Variants in ZDHHC19 observed in about 807,000 individuals in gnomAD.
ZDHHC19 encodes zDHHC palmitoyltransferase 19.
In ZDHHC19, 30 loss-of-function variants were observed where a neutral mutation model predicts 33.9. That is an observed-to-expected ratio of 0.88 (90% confidence interval 0.66 to 1.20). The LOEUF (loss-of-function observed/expected upper bound fraction) is 1.20, where lower values mean the gene tolerates loss of function less well. Among genes scored for constraint, ZDHHC19 ranks in the 50% most tolerant of loss-of-function variants. The pLI, the probability that ZDHHC19 is intolerant of heterozygous loss-of-function variation, is 0.00. For synonymous variants in ZDHHC19, 178 were observed against 167.6 expected (o/e 1.06, Z -0.48); for missense variants, 364 against 401.1 (o/e 0.91, Z 0.79).
chr3:196,208,405 G>A lies in ZDHHC19; in HGVS notation c.564C>T (p.Ser188=), dbSNP rs1025005356. The change falls in exon 4 of 8, where the codon TCC becomes TCT. Residue 188 remains serine (S), a synonymous_variant. Transcript: ENST00000296326. ...GCGGATACGCGATGGCCTTGTCGGT[G>A]GAGAAGGGCAGGTGGGTTGTGCGCA... ...FLVRTTHLPF[S]TDKAIAIVVA... 4.3e-6 allele frequency: 7 copies of A among 1,613,962 alleles called. No homozygotes were observed. In the African/African-American group the frequency reaches 8.0e-5, roughly 18 times the overall value.
intron 5 of ZDHHC19, among the ~76,000 whole-genome samples, chr3:196,200,941 T>C (rs1318220328): frequency 6.6e-6 from 1 of 151,798 alleles, no homozygotes; most frequent in African/African-American, 2.4e-5. Flanking sequence ...TGAGTCACTG[T>C]ACCCGGCATT....
Position 196,210,342 on chromosome 3 carries a change from A to AGAAGG in ZDHHC19, c.268+273_268+274insCCTTC, listed in dbSNP as rs1379023589. Reference sequence around the variant, plus strand: ...GAAAGAAGGAAAGAAAGAAAGAAAGAAAAGAGAAAGAAAGAAAGAAGGAAG... The same window carrying AGAAGG: ...GAAAGAAGGAAAGAAAGAAAGAAAGAGAAGGAAAGAGAAAGAAAGAAAGAAGGAAG... On this transcript the variant is annotated intron_variant, in intron 2 of 7. Coordinates refer to ENST00000296326, the MANE Select transcript of ZDHHC19 (RefSeq NM_001039617.2). Among the ~76,000 whole-genome samples the AGAAGG allele has an allele frequency of 6.0e-5, 3 of 49,986 alleles. No homozygotes were observed. In the East Asian group the frequency reaches 2.2e-3, roughly 37 times the overall value. The allele number at this position is 49,986 out of a possible 152,430, so 32.8% of individuals were successfully genotyped here.
Position 196,198,335 on chromosome 3 carries a change from C to T in ZDHHC19, c.890G>A (p.Gly297Glu). The change falls in exon 7 of 8, where the codon GGG becomes GAG. Residue 297 changes from glycine (G) to glutamate (E), a missense_variant. Transcript: ENST00000296326. ...SALNPPAPTS[G>E]SLQSREGTPG... ...GGTCCCTTCCCTGCTTTGTAGGGAC[C>T]CAGAGGTTGGGGCTGGGGGGTTGAG... 6.6e-7 allele frequency: 1 copy of T among 1,515,290 alleles called. No homozygotes were observed. Among genetic ancestry groups the T allele is most frequent in the Non-Finnish European group, 8.8e-7 (1 of 1,132,638 alleles). 93.9% of individuals were successfully genotyped at this position (1,515,290 alleles called of 1,614,324 possible).
In ZDHHC19 at chr3:196,207,491, G is replaced by C. The variant is rs778971175; in HGVS notation, c.594C>G (p.Ala198=). The C allele has an allele frequency of 1.9e-6, 3 of 1,562,182 alleles. No homozygotes were observed. The highest frequency in any genetic ancestry group is 1.7e-6 in the Non-Finnish European group (2 of 1,154,074). The change falls in exon 5 of 8, where the codon GCC becomes GCG. Residue 198 remains alanine (A), a synonymous_variant. Transcript: ENST00000296326. ...STDKAIAIVV[A]VSAAGLLVPL... ...GCACCAGGAGGCCCGCGGCGGACACGGCCACCACGATGCTGCGCGGGTTAA... is the reference window on the plus strand; with the variant it reads ...GCACCAGGAGGCCCGCGGCGGACACCGCCACCACGATGCTGCGCGGGTTAA...
intron 5 of ZDHHC19, among the ~76,000 whole-genome samples, chr3:196,199,154 G>A (rs1197306222): frequency 6.6e-6 from 1 of 152,216 alleles, no homozygotes; most frequent in Non-Finnish European, 1.5e-5. Context: ...CCCTAACCAT[G>A]ATCACATGGC....
Position 196,207,387 on chromosome 3 carries a change from G to A in ZDHHC19, c.687+11C>T, listed in dbSNP as rs1472982060. 2 of 1,550,448 alleles carry A rather than the reference G, an allele frequency of 1.3e-6. No individual in the cohort carries two copies. The highest frequency in any genetic ancestry group is 1.4e-5 in the African/African-American group (1 of 72,828). ...CCGAGGTGCAAGCTGACCACCCGCG[G>A]CCCCGCGTACCTTGCCCTTGTAGGT... On this transcript the variant is annotated intron_variant, in intron 5 of 7. Transcript: ENST00000296326.
intron 3 of ZDHHC19, 187 bp downstream of exon 3, chr3:196,209,189 G>A: frequency 1.2e-6 from 1 of 812,174 alleles, no homozygotes. Context: ...GCAACGGCCA[G>A]CCTCCCAGGA....
chr3:196,198,923 G>C lies in ZDHHC19; in HGVS notation c.688-49C>G, dbSNP rs774495906. 3.2e-6 allele frequency: 5 copies of C among 1,586,102 alleles called. No homozygotes were observed. The South Asian group carries it at 3.3e-5, about 11-fold the overall frequency. The stretch of plus-strand genomic sequence containing the variant: ...GAGGAGCTCAGAACCAGCAGGAATG[G>C]CTGGGCCATCGCCCAGTGGCCCTCC... On this transcript the variant is annotated intron_variant, in intron 5 of 7. Transcript: ENST00000296326.
chr3:196,200,358 A>ATGT (rs1469302901), intron 5 of ZDHHC19, among the ~76,000 whole-genome samples: 1 of 69,542 alleles, frequency 1.4e-5, no homozygotes, highest in East Asian at 7.3e-4. Flanking sequence ...ATATATATAT[A>ATGT]ATTTTTTTTT....
chr3:196,210,268 GAGAAAGAA>G (rs59234849), intron 2 of ZDHHC19, among the ~76,000 whole-genome samples: 3 of 119,288 alleles, frequency 2.5e-5, no homozygotes, highest in African/African-American at 6.5e-5. Context: ...AGAAAGAAAA[GAGAAAGAA>G]AGAAAGAAAG....
chr3:196,200,583 T>C (rs992738629), intron 5 of ZDHHC19, among the ~76,000 whole-genome samples: 1 of 150,532 alleles, frequency 6.6e-6, no homozygotes, highest in African/African-American at 2.5e-5. Context: ...CTCGATCTCC[T>C]GACCTCGTGA....
intron 2 of ZDHHC19, among the ~76,000 whole-genome samples, chr3:196,210,335 AAG>A (rs1560142635): frequency 7.5e-6 from 1 of 134,166 alleles, no homozygotes; most frequent in African/African-American, 2.8e-5. Context: ...GAAAGAAAGA[AAG>A]AAAGAAAAGA....
rs750596258 is a variant in ZDHHC19 at position 196,210,285 on chromosome 3, A to AGAAAGAAAGAAGGAAGGAAG, written c.268+330_268+331insCTTCCTTCCTTCTTTCTTTC. 3.1e-3 allele frequency among the ~76,000 whole-genome samples: 426 copies of AGAAAGAAAGAAGGAAGGAAG among 139,668 alleles called. 3 individuals carry two copies. Among genetic ancestry groups the AGAAAGAAAGAAGGAAGGAAG allele is most frequent in the Non-Finnish European group, 5.3e-3 (342 of 64,158 alleles). 91.6% of individuals were successfully genotyped at this position (139,668 alleles called of 152,430 possible). On this transcript the variant is annotated intron_variant, in intron 2 of 7. Coordinates refer to ENST00000296326, the MANE Select transcript of ZDHHC19 (RefSeq NM_001039617.2). The stretch of plus-strand genomic sequence containing the variant: ...AAAGAAAAGAGAAAGAAAGAAAGAA[A>AGAAAGAAAGAAGGAAGGAAG]GAAGGAAGGAAGGAAAGAGAGAGGA...
At chr3:196,199,965 G>T (rs1684506581) in intron 5 of ZDHHC19, among the ~76,000 whole-genome samples, 1 of 151,562 alleles carries the variant, frequency 6.6e-6, no homozygotes, top group African/African-American at 2.4e-5. Flanking sequence ...AACTGGTATT[G>T]TATTAGTCAT....
Position 196,211,325 on chromosome 3 carries a change from T to A in ZDHHC19, c.-10A>T. 1 of 1,599,878 alleles carries A rather than the reference T, an allele frequency of 6.3e-7. No individual in the cohort carries two copies. The highest frequency in any genetic ancestry group is 8.5e-7 in the Non-Finnish European group (1 of 1,172,050). On this transcript the variant is annotated 5_prime_UTR_variant, in exon 1 of 8. Transcript: ENST00000296326. ...CCGTTAAGAGTGTCATGGCTGGGCC[T>A]CCTTCGCCTCCAGGGGAGGTCAGAG...
In ZDHHC19 at chr3:196,208,506, G is replaced by A. The variant is rs772977515; in HGVS notation, c.463C>T (p.Arg155Cys). 7 of 1,614,126 alleles carry A rather than the reference G, an allele frequency of 4.3e-6. No homozygotes were observed. In the Middle Eastern group the frequency reaches 6.6e-4, roughly 152 times the overall value. Residue 155 changes from arginine to cysteine, a missense_variant, in exon 4 of 8, where the codon CGC (arginine) becomes TGC (cysteine). Physicochemically the swap from Arg to Cys is radical, Grantham distance 180. Transcript: ENST00000296326. ...GACAGGACAAGCAGCATGAAGAAGC[G>A]GAAGTTGCGGTGACCGATGCAGTTA... is the stretch of plus-strand genomic sequence containing the variant. Reference protein sequence around the residue: ...VNNCIGHRNFRFFMLLVLSLC... With the variant: ...VNNCIGHRNFCFFMLLVLSLC...
At chr3:196,209,987 C>T (rs1425663415) in intron 2 of ZDHHC19, among the ~76,000 whole-genome samples, 1 of 152,090 alleles carries the variant, frequency 6.6e-6, no homozygotes, top group Non-Finnish European at 1.5e-5. Flanking sequence ...GTCAGGAGTT[C>T]GAGACCAGCC....
chr3:196,207,344 C>T (rs1232208153), intron 5 of ZDHHC19, 54 bp downstream of exon 5: 2 of 1,484,538 alleles, frequency 1.3e-6, no homozygotes, highest in Non-Finnish European at 1.8e-6. Context: ...GGAGAAAGCG[C>T]GGGAAGCGCG....
In ZDHHC19 at chr3:196,198,363, C is replaced by T; in HGVS notation, c.862G>A (p.Ala288Thr). 13 of 1,527,370 alleles carry T rather than the reference C, an allele frequency of 8.5e-6. No homozygotes were observed. The highest frequency in any genetic ancestry group is 1.1e-5 in the Non-Finnish European group (13 of 1,137,350). 94.6% of individuals were successfully genotyped at this position (1,527,370 alleles called of 1,614,324 possible). ...GAGGTTGGGGCTGGGGGGTTGAGAG[C>T]AGAGGGGGACATTGGAGGGTGCAGA... ...PNLHPPMSPSALNPPAPTSGS... is the reference protein window; with the variant it reads ...PNLHPPMSPSTLNPPAPTSGS... Residue 288 changes from alanine (A) to threonine (T), a missense_variant, in exon 7 of 8, where the codon GCT becomes ACT. Physicochemically the swap from Ala to Thr is moderately conservative, Grantham distance 58 (BLOSUM62 0). Coordinates refer to ENST00000296326, the MANE Select transcript of ZDHHC19 (RefSeq NM_001039617.2).
Sources: allele counts gnomAD v4.1 joint callset (sites outside exome capture counted in the v4.1 genomes callset), GRCh38; gene constraint gnomAD v4.1.1; transcripts MANE v1.5; gene names NCBI Gene and HGNC (gene_info 2026-07-23, HGNC 2026-07-21).